The following SRGN variants were observed in gnomAD, a reference collection of about 807,000 sequenced individuals.
The protein encoded by SRGN is serglycin.
SRGN carries 2 observed loss-of-function variants against 9.5 expected under a neutral mutation model. That is an observed-to-expected ratio of 0.21 (90% CI 0.09 to 0.66). The LOEUF (loss-of-function observed/expected upper bound fraction) is 0.66. Among genes scored for constraint, SRGN ranks in the 30% least tolerant of loss-of-function variants. The pLI, the probability that SRGN is intolerant of heterozygous loss-of-function variation, is 0.83. For synonymous variants in SRGN, 59 were observed against 72.3 expected (o/e 0.82, Z 0.93); for missense variants, 170 against 192.4 (o/e 0.88, Z 0.69).
intron 1 of SRGN, among the ~76,000 whole-genome samples, chr10:69,090,316 G>A (rs1237185368): frequency 6.6e-6 from 1 of 152,200 alleles, no homozygotes; most frequent in Non-Finnish European, 1.5e-5. Context: ...AAATCAACTA[G>A]GCTTTTGGCT....
intron 2 of SRGN, among the ~76,000 whole-genome samples, chr10:69,100,348 T>C (rs1218840992): frequency 6.6e-6 from 1 of 152,166 alleles, no homozygotes; most frequent in Non-Finnish European, 1.5e-5. Flanking sequence ...AAGTGAGCCA[T>C]GGTGTGGCAC....
At chr10:69,092,137 A>G (rs1273232973) in intron 1 of SRGN, among the ~76,000 whole-genome samples, 1 of 152,006 alleles carries the variant, frequency 6.6e-6, no homozygotes, top group Non-Finnish European at 1.5e-5. Flanking sequence ...GGAATCCACT[A>G]CACAATTAAC....
chr10:69,091,897 AAAAAAAAAAAAGAAAAAG>A (rs1840066129), intron 1 of SRGN, among the ~76,000 whole-genome samples: 1 of 100,796 alleles, frequency 9.9e-6, no homozygotes, highest in Admixed American at 1.0e-4. Context: ...AAAAAAAAAA[AAAAAAAAAAAAGAAAAAG>A]AAAAGAAAAG....
chr10:69,095,836 C>G (rs756047215), intron 1 of SRGN, among the ~76,000 whole-genome samples: 1 of 151,932 alleles, frequency 6.6e-6, no homozygotes, highest in East Asian at 1.9e-4. Flanking sequence ...TGCTTGAACC[C>G]GGGAGGTGGA....
At chr10:69,098,624 T>C (rs905185990) in intron 2 of SRGN, 15 of 151,676 alleles carry the variant, frequency 9.9e-5, no homozygotes, top group Admixed American at 8.5e-4. Flanking sequence ...TTCAAATACA[T>C]TTTTTATATT....
upstream of SRGN, chr10:69,088,018 AT>A (rs1444489485): frequency 3.0e-6 from 2 of 661,764 alleles, no homozygotes; most frequent in Non-Finnish European, 5.3e-6. Context: ...ATGTCTTTCT[AT>A]TTGTTCAGGA....
intron 1 of SRGN, among the ~76,000 whole-genome samples, chr10:69,096,130 G>A (rs939984934): frequency 3.3e-5 from 5 of 152,080 alleles, no homozygotes; most frequent in African/African-American, 1.2e-4. Flanking sequence ...TAAGGATACT[G>A]TATGGCCCTA....
rs79912480 is a variant in SRGN, at chr10:69,088,858, C to T, written c.79+622C>T. On this transcript the variant is annotated intron_variant, in intron 1 of 2. Transcript: ENST00000242465. ...CTCTTGCTCAGAGAAGCATCATATT[C>T]GGAAATATCTTCCTAGGTTTATCTA... 7.1e-3 allele frequency among the ~76,000 whole-genome samples: 1,086 copies of T among 152,152 alleles called. 13 individuals are homozygous for T. The highest frequency in any genetic ancestry group is 0.025 in the African/African-American group (1,024 of 41,486).
At chr10:69,091,879 C>CAAAAAAAAAAAAAAAAAAAAAAAAA (rs1177012248) in intron 1 of SRGN, among the ~76,000 whole-genome samples, 19 of 31,760 alleles carry the variant, frequency 6.0e-4, no homozygotes, top group South Asian at 1.8e-3. Flanking sequence ...GACTCTGTCT[C>CAAAAAAAAAAAAAAAAAAAAAAAAA]AAAAAAAAAA....
chr10:69,091,790 G>C (rs1223265966), intron 1 of SRGN, among the ~76,000 whole-genome samples: 5 of 140,030 alleles, frequency 3.6e-5, no homozygotes, highest in Non-Finnish European at 1.5e-5. Context: ...TGAGGCAGGA[G>C]AATCACTTGA....
At chr10:69,092,563 G>T (rs1319033176) in intron 1 of SRGN, among the ~76,000 whole-genome samples, 1 of 152,182 alleles carries the variant, frequency 6.6e-6, no homozygotes, top group African/African-American at 2.4e-5. Context: ...GGAGGCCAAG[G>T]CAAGTGGATC....
chr10:69,103,762 G>A, intron 2 of SRGN, 109 bp from the exon 3 acceptor site: 1 of 1,173,360 alleles, frequency 8.5e-7, no homozygotes, highest in Admixed American at 2.5e-5. Flanking sequence ...CTTAATTTGA[G>A]CAACTAGATG....
At chr10:69,097,304 A>T in intron 2 of SRGN, 73 bp downstream of exon 2, 1 of 1,343,228 alleles carries the variant, frequency 7.4e-7, no homozygotes, top group Non-Finnish European at 1.0e-6. Flanking sequence ...TTTCTTGCCC[A>T]GGCTGGAGTG....
At chr10:69,089,660 C>G (rs1840009275) in intron 1 of SRGN, among the ~76,000 whole-genome samples, 1 of 152,130 alleles carries the variant, frequency 6.6e-6, no homozygotes, top group Non-Finnish European at 1.5e-5. Flanking sequence ...CTTTGAGAGG[C>G]CAAGGTAGGC....
At chr10:69,091,566 G>T (rs899863719) in intron 1 of SRGN, among the ~76,000 whole-genome samples, 1 of 152,052 alleles carries the variant, frequency 6.6e-6, no homozygotes, top group African/African-American at 2.4e-5. Flanking sequence ...TAACATGCCT[G>T]CAGTAAGTTT....
At chr10:69,097,662 A>C (rs373640475) in intron 2 of SRGN, among the ~76,000 whole-genome samples, 56 of 152,062 alleles carry the variant, frequency 3.7e-4, no homozygotes, top group South Asian at 2.1e-3. Context: ...CTCCTGACCT[A>C]GTGATCCGCC....
intron 2 of SRGN, among the ~76,000 whole-genome samples, chr10:69,102,357 T>G (rs1840311399): frequency 6.6e-6 from 1 of 152,228 alleles, no homozygotes; most frequent in Non-Finnish European, 1.5e-5. Context: ...CTGTGCCACC[T>G]ATGATTTTCC....
intron 2 of SRGN, among the ~76,000 whole-genome samples, chr10:69,097,673 C>A (rs545055966): frequency 6.6e-6 from 1 of 152,164 alleles, no homozygotes; most frequent in South Asian, 2.1e-4. Flanking sequence ...GTGATCCGCC[C>A]GCCTTGACCT....
chr10:69,088,954 G>A (rs903414581), intron 1 of SRGN, among the ~76,000 whole-genome samples: 1 of 152,158 alleles, frequency 6.6e-6, no homozygotes, highest in Non-Finnish European at 1.5e-5. Flanking sequence ...AAAATGATAG[G>A]CTTGTAAGAA....
Sources: allele counts gnomAD v4.1 joint callset (sites outside exome capture counted in the v4.1 genomes callset), GRCh38; gene constraint gnomAD v4.1.1; transcripts MANE v1.5; gene names NCBI Gene and HGNC (gene_info 2026-07-23, HGNC 2026-07-21).